Variants in CEP192 observed in about 807,000 individuals in gnomAD.
CEP192 encodes centrosomal protein 192, also known as centrosomal protein of 192 kDa.
A neutral mutation model predicts 271.8 loss-of-function variants in CEP192; 151 were observed. The observed-to-expected ratio is 0.56, with a 90% CI of 0.49 to 0.64. The LOEUF (loss-of-function observed/expected upper bound fraction) is 0.64, where lower values mean the gene tolerates loss of function less well. Among genes scored for constraint, CEP192 ranks in the 30% least tolerant of loss-of-function variants. The probability of loss-of-function intolerance (pLI) is 0.00; values close to 1 mark genes in which losing one functional copy is unlikely to be tolerated. For missense variants in CEP192, 2,910 were observed against 3,020.5 expected, an observed-to-expected ratio of 0.96 and a Z score of 0.86; for synonymous variants, 995 against 1,076.5, an observed-to-expected ratio of 0.92 and a Z score of 1.48.
chr18:13,040,376 C>T (rs1053561527), intron 13 of CEP192, among the ~76,000 whole-genome samples: 1 of 152,214 alleles, frequency 6.6e-6, no homozygotes, highest in Admixed American at 6.5e-5. Context: ...TGGAAACTGC[C>T]TACCCTTTAG....
At chr18:13,117,489 A>G in intron 43 of CEP192, 96 bp from the exon 44 acceptor site, 1 of 886,742 alleles carries the variant, frequency 1.1e-6, no homozygotes, top group Non-Finnish European at 1.8e-6. Context: ...CTAAATTTAC[A>G]AAATGTATCT....
At chr18:13,007,154 T>G (rs543555446) in intron 3 of CEP192, among the ~76,000 whole-genome samples, 1 of 152,354 alleles carries the variant, frequency 6.6e-6, no homozygotes, top group Non-Finnish European at 1.5e-5. Context: ...ACACCCCATC[T>G]GCTTTTCAGA....
Position 13,068,842 on chromosome 18 carries a change from T to A in CEP192, c.4823-10T>A, listed in dbSNP as rs769318052. 1.2e-6 allele frequency: 2 copies of A among 1,611,416 alleles called. No homozygotes were observed. The highest frequency in any genetic ancestry group is 2.7e-5 in the African/African-American group (2 of 74,784). ...TGGTCTCCAAGCTAAAAGAATGAAC[T>A]TTTTTTTAGATATTCTGGACTCAGC... On this transcript the variant is annotated splice_polypyrimidine_tract_variant and intron_variant, in intron 24 of 44. Coordinates refer to ENST00000506447, the MANE Select transcript of CEP192 (RefSeq NM_032142.4).
At chr18:13,031,583 A>G (rs1010225767) in intron 11 of CEP192, among the ~76,000 whole-genome samples, 3 of 152,112 alleles carry the variant, frequency 2.0e-5, no homozygotes, top group Non-Finnish European at 2.9e-5. Context: ...CGCCAGAGGA[A>G]GAAGTTATCC....
At position 13,008,578 on chromosome 18, in the gene CEP192, C is replaced by T. The variant is rs114794290; in HGVS notation, c.413C>T (p.Ser138Phe). 2 of 1,551,520 alleles carry T rather than the reference C, an allele frequency of 1.3e-6. No homozygotes were observed. The highest frequency in any genetic ancestry group is 1.7e-6 in the Non-Finnish European group (2 of 1,146,948). ...PEEEPAGATE[S>F]LQGQDLFNRA... is the part of the protein sequence containing the mutation. ...GAGGAGCCAGCCGGAGCTACAGAAT[C>T]CTTGCAGGGCCAAGATCTCTTCAAC... The change falls in exon 4 of 45, where the codon TCC (serine) becomes TTC (phenylalanine). Residue 138 changes from serine to phenylalanine, a missense_variant. Coordinates refer to ENST00000506447, the MANE Select transcript of CEP192 (RefSeq NM_032142.4).
At chr18:13,016,026 G>T (rs1460490266) in intron 6 of CEP192, among the ~76,000 whole-genome samples, 1 of 152,154 alleles carries the variant, frequency 6.6e-6, no homozygotes, top group African/African-American at 2.4e-5. Flanking sequence ...GATTACAGGC[G>T]TGAGCCATCG....
At chr18:13,022,656 C>T (rs1568294409) in intron 9 of CEP192, among the ~76,000 whole-genome samples, 2 of 152,216 alleles carry the variant, frequency 1.3e-5, no homozygotes, top group Non-Finnish European at 2.9e-5. Context: ...GCTGGGATTA[C>T]AGGCATGAGC....
intron 40 of CEP192, among the ~76,000 whole-genome samples, chr18:13,105,626 T>A (rs1330521589): frequency 2.6e-5 from 4 of 152,254 alleles, no homozygotes; most frequent in African/African-American, 9.6e-5. Flanking sequence ...AGTTATAGAA[T>A]GTAGCTGTGA....
rs138701530 is a variant in CEP192 at position 13,087,567 on chromosome 18, A to G, written c.5914A>G (p.Ile1972Val). Residue 1972 changes from isoleucine to valine, a missense_variant, in exon 32 of 45, where the codon ATC (isoleucine) becomes GTC (valine). Ile to Val is a conservative substitution (Grantham distance 29). Coordinates refer to ENST00000506447, the MANE Select transcript of CEP192 (RefSeq NM_032142.4). ...TLIYNPSDRG[I>V]NNKTATELST... ...AATATATAATCCATCAGACAGAGGAATCAATAATAAAACTGCAACAGAACT... is the reference window on the plus strand; with the variant it reads ...AATATATAATCCATCAGACAGAGGAGTCAATAATAAAACTGCAACAGAACT... 1.1e-4 allele frequency: 178 copies of G among 1,568,462 alleles called. No homozygotes were observed. The highest frequency in any genetic ancestry group is 1.4e-4 in the Non-Finnish European group (164 of 1,151,850).
intron 42 of CEP192, among the ~76,000 whole-genome samples, 153 bp downstream of exon 42, chr18:13,114,404 C>G (rs1289745587): frequency 6.6e-6 from 1 of 152,174 alleles, no homozygotes; most frequent in Non-Finnish European, 1.5e-5. Flanking sequence ...AAAGTTCTTA[C>G]GTGTCCCTTT....
intron 1 of CEP192, among the ~76,000 whole-genome samples, chr18:12,995,779 A>G (rs556670461): frequency 4.6e-5 from 7 of 152,236 alleles, no homozygotes; most frequent in Non-Finnish European, 1.0e-4. Context: ...CTAAGTGAAC[A>G]TTTGCACAAA....
chr18:13,096,475 T>G (rs1356655628), intron 36 of CEP192, among the ~76,000 whole-genome samples, 168 bp downstream of exon 36: 1 of 152,200 alleles, frequency 6.6e-6, no homozygotes, highest in Admixed American at 6.5e-5. Flanking sequence ...GTTCAAGTGG[T>G]AGGCGGTCTA....
chr18:13,027,838 CT>C lies in CEP192; in HGVS notation c.1051-1815del, dbSNP rs796301041. On this transcript the variant is annotated intron_variant, in intron 9 of 44. Transcript: ENST00000506447. Reference sequence around the variant, plus strand: ...AAAGCAGTTATCTTGTTTTATTTGACTTTTTTTTTTCTATTGGGGTATTTGT... The same window carrying C: ...AAAGCAGTTATCTTGTTTTATTTGACTTTTTTTTTCTATTGGGGTATTTGT... Among the ~76,000 whole-genome samples, 912 of 147,820 alleles carry C rather than the reference CT, an allele frequency of 6.2e-3. 16 individuals carry two copies. Among genetic ancestry groups the C allele is most frequent in the African/African-American group, 0.021 (860 of 40,268 alleles).
chr18:13,025,480 G>A (rs1310758387), intron 9 of CEP192, among the ~76,000 whole-genome samples: 1 of 152,156 alleles, frequency 6.6e-6, no homozygotes, highest in African/African-American at 2.4e-5. Flanking sequence ...GCCTCCTGAA[G>A]TGCTGGGATT....
In CEP192 at chr18:12,997,492, GAGTT is replaced by G. The variant is rs2033329658; in HGVS notation, c.-4-1928_-4-1925del. On this transcript the variant is annotated intron_variant, in intron 1 of 44. Transcript: ENST00000506447. ...AAGGAAAAAATGTGTTTTATGGCTT[GAGTT>G]TATCTGTCTAGTGACCTTGCAGCTG... Among the ~76,000 whole-genome samples, 11 of 151,878 alleles carry G rather than the reference GAGTT, an allele frequency of 7.2e-5. No individual in the cohort carries two copies. In the South Asian group the frequency reaches 2.3e-3, roughly 31 times the overall value.
In CEP192 at chr18:13,095,636, T is replaced by TG; in HGVS notation, c.6390dup (p.Thr2131AspfsTer16). 1 of 1,614,188 alleles carries TG rather than the reference T, an allele frequency of 6.2e-7. No individual in the cohort carries two copies. The highest frequency in any genetic ancestry group is 1.1e-5 in the South Asian group (1 of 91,074). On this transcript the variant is annotated frameshift_variant, in exon 35 of 45. Transcript: ENST00000506447. LOFTEE classifies it high-confidence loss of function. ...GGATCAGCTGGCCTCCGAAGAGCCGTGGACTGTCCTACCCGAGCACTTGAT... is the reference window on the plus strand; with the variant it reads ...GGATCAGCTGGCCTCCGAAGAGCCGTGGGACTGTCCTACCCGAGCACTTGAT...
At chr18:13,085,792 T>C (rs1201783684) in intron 30 of CEP192, among the ~76,000 whole-genome samples, 1 of 152,058 alleles carries the variant, frequency 6.6e-6, no homozygotes, top group Non-Finnish European at 1.5e-5. Flanking sequence ...TTTTGGTTAC[T>C]GTAACCTTGT....
chr18:13,065,127 T>A (rs1455843266), intron 21 of CEP192, among the ~76,000 whole-genome samples: 1 of 152,114 alleles, frequency 6.6e-6, no homozygotes, highest in Non-Finnish European at 1.5e-5. Flanking sequence ...TATGTTAATT[T>A]TGTATTCTGT....
In CEP192 at chr18:13,071,053, T is replaced by G. The variant is rs779283816; in HGVS notation, c.5189T>G (p.Phe1730Cys). 6.2e-7 allele frequency: 1 copy of G among 1,612,648 alleles called. No homozygotes were observed. Among genetic ancestry groups the G allele is most frequent in the South Asian group, 1.1e-5 (1 of 90,956 alleles). The change falls in exon 28 of 45, where the codon TTT (phenylalanine) becomes TGT (cysteine). Residue 1730 changes from phenylalanine (F) to cysteine (C), a missense_variant. Coordinates refer to ENST00000506447, the MANE Select transcript of CEP192 (RefSeq NM_032142.4). Reference protein sequence around the residue: ...EACEERILKIFVQPFGPQYEV... With the variant: ...EACEERILKICVQPFGPQYEV... ...TTCTTTCTTAGGATCTTGAAAATATTTGTGCAGCCATTTGGACCTCAGTAT... is the reference window on the plus strand; with the variant it reads ...TTCTTTCTTAGGATCTTGAAAATATGTGTGCAGCCATTTGGACCTCAGTAT...
Sources: gnomAD v4.1 joint callset for allele counts (sites outside exome capture counted in the v4.1 genomes callset) on GRCh38, gnomAD v4.1.1 for gene constraint, MANE v1.5 for transcripts, NCBI Gene and HGNC (gene_info 2026-07-23, HGNC 2026-07-21) for gene names.